Variants in C8orf34 observed in about 807,000 individuals in gnomAD.
C8orf34 encodes uncharacterized protein C8orf34.
Under a neutral mutation model 68.3 loss-of-function variants are expected in C8orf34, and 65 were observed. The ratio of observed to expected loss-of-function variants is 0.95; its 90% CI spans 0.78 to 1.17. C8orf34 has a LOEUF of 1.17. Ranked by LOEUF, C8orf34 falls within the 50% of genes most tolerant of loss-of-function variation. The pLI is 0.00. For synonymous variants in C8orf34, 244 were observed against 241.2 expected, an observed-to-expected ratio of 1.01 and a Z score of -0.11; for missense variants, 664 against 655.4, an observed-to-expected ratio of 1.01 and a Z score of -0.14.
At chr8:68,615,453 A>C (rs1818176445) in intron 7 of C8orf34, among the ~76,000 whole-genome samples, 1 of 151,732 alleles carries the variant, frequency 6.6e-6, no homozygotes, top group East Asian at 2.0e-4. Context: ...TGTTATTTTG[A>C]GATACGTCCC....
intron 7 of C8orf34, among the ~76,000 whole-genome samples, chr8:68,553,452 A>G (rs1231360634): frequency 2.0e-5 from 3 of 151,642 alleles, no homozygotes; most frequent in Non-Finnish European, 2.9e-5. Context: ...ATGAAACACC[A>G]GTACAAATTC....
intron 10 of C8orf34, among the ~76,000 whole-genome samples, chr8:68,725,152 C>T (rs1481226565): frequency 6.6e-6 from 1 of 152,150 alleles, no homozygotes; most frequent in Admixed American, 6.5e-5. Context: ...CAGGAATGAG[C>T]TTCCTTTATC....
chr8:68,555,660 G>A (rs1372943559), intron 7 of C8orf34, among the ~76,000 whole-genome samples: 2 of 151,700 alleles, frequency 1.3e-5, no homozygotes, highest in Non-Finnish European at 2.9e-5. Context: ...ACATGCTCAG[G>A]GATGTATCAA....
intron 7 of C8orf34, chr8:68,535,956 A>G (rs980613202): frequency 1.3e-6 from 1 of 768,414 alleles, no homozygotes; most frequent in Non-Finnish European, 1.6e-6. Context: ...TTTTAGTACA[A>G]ATATTTTAGT....
At chr8:68,352,566 G>A (rs905585148) in intron 1 of C8orf34, among the ~76,000 whole-genome samples, 4 of 152,078 alleles carry the variant, frequency 2.6e-5, no homozygotes, top group African/African-American at 7.2e-5. Flanking sequence ...CTGGGGAAAA[G>A]TGATCCAGCT....
At chr8:68,494,003 A>G (rs1482139779) in intron 5 of C8orf34, among the ~76,000 whole-genome samples, 4 of 152,220 alleles carry the variant, frequency 2.6e-5, no homozygotes, top group Non-Finnish European at 5.9e-5. Flanking sequence ...TTATGAAGCC[A>G]TCCCACTTCT....
Position 68,533,225 on chromosome 8 carries a change from TAA to T in C8orf34, c.1105+79_1105+80del, listed in dbSNP as rs1357925262. ...AAAACGTGTGGTGATTAAGAGATTT[TAA>T]AAGTTTTGAATAGCCTTGTCTTAGG... On this transcript the variant is annotated intron_variant, in intron 7 of 13. Transcript: ENST00000518698. 28 of 1,490,608 alleles carry T rather than the reference TAA, an allele frequency of 1.9e-5. 1 individual carries two copies. The highest frequency in any genetic ancestry group is 4.9e-5 in the Admixed American group (2 of 41,134). 92.3% of individuals were successfully genotyped at this position (1,490,608 alleles called of 1,614,324 possible). A position where few individuals can be genotyped will look rare whatever the true frequency, so the allele number is the denominator to read the frequency against.
At chr8:68,790,790 C>T (rs185291332) in intron 12 of C8orf34, 8 of 689,100 alleles carry the variant, frequency 1.2e-5, no homozygotes, top group Admixed American at 6.5e-5. Context: ...TTGTTTAACA[C>T]TCATATTCTG....
chr8:68,592,396 C>G (rs1168229491), intron 7 of C8orf34, among the ~76,000 whole-genome samples: 1 of 151,826 alleles, frequency 6.6e-6, no homozygotes, highest in Non-Finnish European at 1.5e-5. Context: ...ATTGTTTGGG[C>G]TTTTATTGTG....
At chr8:68,748,371 C>G (rs530809867) in intron 10 of C8orf34, among the ~76,000 whole-genome samples, 1 of 146,848 alleles carries the variant, frequency 6.8e-6, no homozygotes. Context: ...GCAACAAAAG[C>G]CAAAATTGAC....
At chr8:68,611,484 C>T (rs1378166959) in intron 7 of C8orf34, among the ~76,000 whole-genome samples, 1 of 152,024 alleles carries the variant, frequency 6.6e-6, no homozygotes, top group Non-Finnish European at 1.5e-5. Context: ...ACTTTTATAC[C>T]TTTAGAGTCA....
intron 4 of C8orf34, among the ~76,000 whole-genome samples, chr8:68,482,105 A>G (rs1421629425): frequency 6.6e-6 from 1 of 152,164 alleles, no homozygotes; most frequent in Non-Finnish European, 1.5e-5. Flanking sequence ...CATGGGGACC[A>G]GATTATCCTG....
chr8:68,534,556 G>A lies in C8orf34; in HGVS notation c.1105+1407G>A, dbSNP rs373088522. ...GGTAACACCTAAAGCAGAGGTAAGG[G>A]ACAGTGACCCAGGAATGTTTCCTAG... On this transcript the variant is annotated intron_variant, in intron 7 of 13. Transcript: ENST00000518698. The A allele has an allele frequency of 8.9e-6, 8 of 896,006 alleles. No homozygotes were observed. In the South Asian group the frequency reaches 2.0e-4, roughly 23 times the overall value. 55.5% of individuals were successfully genotyped at this position (896,006 alleles called of 1,614,324 possible). A position where few individuals can be genotyped will look rare whatever the true frequency, so the allele number is the denominator to read the frequency against.
chr8:68,733,427 A>G (rs1382917822), intron 10 of C8orf34, among the ~76,000 whole-genome samples: 1 of 152,204 alleles, frequency 6.6e-6, no homozygotes, highest in Non-Finnish European at 1.5e-5. Flanking sequence ...AGCCTCCATT[A>G]ACATATGTTA....
intron 8 of C8orf34, among the ~76,000 whole-genome samples, chr8:68,697,460 C>G (rs1820868326): frequency 6.6e-6 from 1 of 151,968 alleles, no homozygotes; most frequent in Non-Finnish European, 1.5e-5. Context: ...TGTGTCTTCT[C>G]TGCGTAGAAT....
intron 7 of C8orf34, among the ~76,000 whole-genome samples, chr8:68,638,265 G>A (rs1462161163): frequency 6.6e-6 from 1 of 151,300 alleles, no homozygotes; most frequent in African/African-American, 2.4e-5. Context: ...AAGCCATCTG[G>A]TGCCACCAAA....
intron 7 of C8orf34, chr8:68,625,449 GCAA>G: frequency 1.8e-6 from 1 of 547,406 alleles, no homozygotes; most frequent in Non-Finnish European, 3.3e-6. Flanking sequence ...GCTCACAGAG[GCAA>G]CTCTCCAAGA....
Position 68,649,134 on chromosome 8 carries a change from C to A in C8orf34, c.1241+8623C>A, listed in dbSNP as rs560536309. 2.0e-5 allele frequency among the ~76,000 whole-genome samples: 3 copies of A among 152,250 alleles called. No individual in the cohort carries two copies. In the South Asian group the frequency reaches 6.2e-4, roughly 32 times the overall value. On this transcript the variant is annotated intron_variant, in intron 8 of 13. Transcript: ENST00000518698. ...TAAGGACAAAAAAGGATTACTATCA[C>A]TTGTTTAAATTTTGAAGTTTTTCAT...
intron 10 of C8orf34, among the ~76,000 whole-genome samples, chr8:68,748,326 G>A (rs568397898): frequency 6.8e-6 from 1 of 147,018 alleles, no homozygotes; most frequent in South Asian, 2.2e-4. Flanking sequence ...ATAGGCACGG[G>A]CAAGGACTTC....
Sources: gnomAD v4.1 joint callset for allele counts (sites outside exome capture counted in the v4.1 genomes callset) on GRCh38, gnomAD v4.1.1 for gene constraint, MANE v1.5 for transcripts, NCBI Gene and HGNC (gene_info 2026-07-23, HGNC 2026-07-21) for gene names.